The following SCAPER variants were observed in gnomAD, a reference collection of about 807,000 sequenced individuals.
SCAPER encodes the protein S-phase cyclin A associated protein in the ER, also known as S phase cyclin A-associated protein in the endoplasmic reticulum.
In SCAPER, 98 loss-of-function variants were observed where a neutral mutation model predicts 182.2. The observed-to-expected ratio is 0.54, with a 90% confidence interval of 0.46 to 0.64. The LOEUF is 0.64. SCAPER is among the 30% of genes least tolerant of loss of function. The pLI is 0.00. For synonymous variants in SCAPER, 605 were observed against 564.6 expected (o/e 1.07, Z -1.01); for missense variants, 1,432 against 1,690.0 (o/e 0.85, Z 2.68).
intron 23 of SCAPER, among the ~76,000 whole-genome samples, chr15:76,548,144 C>T (rs2045452873): frequency 6.6e-6 from 1 of 151,914 alleles, no homozygotes; most frequent in South Asian, 2.1e-4. Context: ...CAGCTTGCTG[C>T]TAGCGCTCAT....
At chr15:76,898,943 T>C (rs1040930306) in intron 1 of SCAPER, among the ~76,000 whole-genome samples, 2 of 152,106 alleles carry the variant, frequency 1.3e-5, no homozygotes, top group Non-Finnish European at 2.9e-5. Context: ...AGCTTCAAAT[T>C]AAAAAAGAAA....
intron 22 of SCAPER, among the ~76,000 whole-genome samples, chr15:76,621,546 T>C (rs2052054443): frequency 6.6e-6 from 1 of 152,202 alleles, no homozygotes; most frequent in Non-Finnish European, 1.5e-5. Flanking sequence ...ACCCACTTGA[T>C]GCTAGCAGCC....
intron 5 of SCAPER, among the ~76,000 whole-genome samples, chr15:76,814,704 A>G (rs1203765389): frequency 6.6e-6 from 1 of 152,210 alleles, no homozygotes; most frequent in East Asian, 1.9e-4. Context: ...GACCTCAAGC[A>G]ATAATTTTTT....
chr15:76,540,445 A>G (rs2044628112), intron 23 of SCAPER, among the ~76,000 whole-genome samples: 1 of 152,198 alleles, frequency 6.6e-6, no homozygotes, highest in African/African-American at 2.4e-5. Context: ...AAAAAGGATT[A>G]GGTAGATCTT....
At chr15:76,834,505 C>G (rs569668825) in intron 5 of SCAPER, among the ~76,000 whole-genome samples, 2 of 151,956 alleles carry the variant, frequency 1.3e-5, no homozygotes, top group African/African-American at 4.8e-5. Flanking sequence ...AACCAAACTC[C>G]GAGCTGAACT....
chr15:76,515,784 C>G (rs1314958633), intron 23 of SCAPER, among the ~76,000 whole-genome samples: 1 of 152,062 alleles, frequency 6.6e-6, no homozygotes, highest in African/African-American at 2.4e-5. Flanking sequence ...TTGCGTCTAG[C>G]AAAAAGCAGG....
rs182647532 is a variant in SCAPER at position 76,806,150 on chromosome 15, C to T, written c.394-1517G>A. On this transcript the variant is annotated intron_variant, in intron 5 of 31. Coordinates refer to ENST00000563290, the MANE Select transcript of SCAPER (RefSeq NM_020843.4). ...AAGGTCACAAAGATGTATATGTTTT[C>T]TTCAAAGAGTGTTATACTTTCAGCT... Among the ~76,000 whole-genome samples, 151 of 152,208 alleles carry T rather than the reference C, an allele frequency of 9.9e-4. 1 individual carries two copies. The highest frequency in any genetic ancestry group is 2.6e-3 in the Admixed American group (40 of 15,296).
intron 4 of SCAPER, among the ~76,000 whole-genome samples, chr15:76,850,509 T>C (rs548724605): frequency 6.6e-6 from 1 of 152,288 alleles, no homozygotes; most frequent in African/African-American, 2.4e-5. Context: ...GTCACATGTC[T>C]TAAAATGACC....
At chr15:76,644,799 CATAT>C (rs1002055683) in intron 21 of SCAPER, among the ~76,000 whole-genome samples, 13 of 152,092 alleles carry the variant, frequency 8.5e-5, no homozygotes, top group Non-Finnish European at 1.9e-4. Context: ...AAAATATGCA[CATAT>C]ATAAACAGAA....
Position 76,608,885 on chromosome 15 carries a change from A to G in SCAPER, c.2711+12879T>C, listed in dbSNP as rs191301246. Among the ~76,000 whole-genome samples the G allele has an allele frequency of 3.7e-4, 57 of 152,254 alleles. No individual in the cohort carries two copies. In the East Asian group the frequency reaches 0.01, roughly 27 times the overall value. ...AAGCCCGTTGGAAAAGCGCAGTATT[A>G]GGGTGGGAGTGACCCGATTTTCCAG... On this transcript the variant is annotated intron_variant, in intron 22 of 31. Coordinates refer to ENST00000563290, the MANE Select transcript of SCAPER (RefSeq NM_020843.4).
intron 23 of SCAPER, among the ~76,000 whole-genome samples, chr15:76,507,133 A>G (rs1287571758): frequency 1.3e-5 from 2 of 152,188 alleles, no homozygotes; most frequent in African/African-American, 4.8e-5. Context: ...TTTGAAGAGA[A>G]GATCTTTAAA....
At chr15:76,693,972 A>G (rs1722958224) in intron 20 of SCAPER, among the ~76,000 whole-genome samples, 2 of 152,138 alleles carry the variant, frequency 1.3e-5, no homozygotes, top group African/African-American at 4.8e-5. Flanking sequence ...TATACTTAAA[A>G]AGGGTTAAGA....
At chr15:76,742,494 A>AAAAAAAAAAAAAAAAAG (rs1567986942) in intron 15 of SCAPER, among the ~76,000 whole-genome samples, 1 of 108,662 alleles carries the variant, frequency 9.2e-6, no homozygotes. Flanking sequence ...AAAAAAAAAA[A>AAAAAAAAAAAAAAAAAG]GAATAAAAAT....
intron 1 of SCAPER, among the ~76,000 whole-genome samples, chr15:76,890,429 A>G (rs2074098806): frequency 6.6e-6 from 1 of 152,226 alleles, no homozygotes; most frequent in Non-Finnish European, 1.5e-5. Context: ...AGGAAGACTA[A>G]TAAAGAAGAA....
chr15:76,572,919 T>TCTCTCTCA (rs1477852757), intron 23 of SCAPER, among the ~76,000 whole-genome samples: 1 of 135,174 alleles, frequency 7.4e-6, no homozygotes, highest in African/African-American at 2.8e-5. Flanking sequence ...TCTCTCTCTC[T>TCTCTCTCA]CACACACACA....
intron 21 of SCAPER, among the ~76,000 whole-genome samples, chr15:76,633,844 T>C (rs770409330): frequency 2.0e-5 from 3 of 152,146 alleles, no homozygotes; most frequent in Non-Finnish European, 4.4e-5. Flanking sequence ...CGGAACTTGG[T>C]CTTTAGGGCA....
chr15:76,879,477 G>GA, intron 2 of SCAPER, among the ~76,000 whole-genome samples: 1 of 152,150 alleles, frequency 6.6e-6, no homozygotes. Context: ...TGGAATGTTA[G>GA]AGAAAAGACT....
chr15:76,724,112 G>T (rs1292132363), intron 17 of SCAPER, among the ~76,000 whole-genome samples: 1 of 151,018 alleles, frequency 6.6e-6, no homozygotes, highest in South Asian at 2.1e-4. Flanking sequence ...TTTTAGGGCA[G>T]GCCTGGTAGT....
At chr15:76,627,409 T>C (rs1326587333) in intron 21 of SCAPER, among the ~76,000 whole-genome samples, 2 of 152,108 alleles carry the variant, frequency 1.3e-5, no homozygotes, top group South Asian at 2.1e-4. Flanking sequence ...AAGCCCAGCA[T>C]GCGTTAGCTA....
Sources: allele counts gnomAD v4.1 joint callset (sites outside exome capture counted in the v4.1 genomes callset), GRCh38; gene constraint gnomAD v4.1.1; transcripts MANE v1.5; gene names NCBI Gene and HGNC (gene_info 2026-07-23, HGNC 2026-07-21).